Variants in CD247 observed in about 807,000 individuals in gnomAD.
CD247 encodes CD247 molecule.
CD247 carries 13 observed loss-of-function variants against 30.0 expected under a neutral mutation model. That is an observed-to-expected ratio of 0.43 (90% CI 0.28 to 0.69). The LOEUF is 0.69. Among genes scored for constraint, CD247 ranks in the 30% least tolerant of loss-of-function variants. CD247 has a pLI of 0.16. For missense variants in CD247, 193 were observed against 212.6 expected, an observed-to-expected ratio of 0.91 and a Z score of 0.57; for synonymous variants, 72 against 80.0, an observed-to-expected ratio of 0.90 and a Z score of 0.53.
intron 1 of CD247, among the ~76,000 whole-genome samples, chr1:167,513,603 T>C (rs1571606686): frequency 6.6e-6 from 1 of 152,218 alleles, no homozygotes; most frequent in Non-Finnish European, 1.5e-5. Context: ...GATACTGTGG[T>C]TTATACTATA....
rs1380657958 is a variant in CD247, at chr1:167,439,215, T to C, written c.219+129A>G. 4.9e-6 allele frequency: 4 copies of C among 810,790 alleles called. No homozygotes were observed. The East Asian group carries it at 7.4e-5, about 15-fold the overall frequency. The allele number at this position is 810,790 out of a possible 1,614,324, so 50.2% of individuals were successfully genotyped here. A position where few individuals can be genotyped will look rare whatever the true frequency, so the allele number is the denominator to read the frequency against. ...GGTTAGAAAACTGAGGTTAAACAAG[T>C]TGCAGCCGGGTCGCAGAGGTGATAG... On this transcript the variant is annotated intron_variant, in intron 3 of 7. Transcript: ENST00000362089.
intron 1 of CD247, among the ~76,000 whole-genome samples, chr1:167,480,920 A>T (rs1653947067): frequency 6.6e-6 from 1 of 152,256 alleles, no homozygotes. Flanking sequence ...AACAAGGCTG[A>T]CATATAGCAC....
chr1:167,469,847 A>G (rs1653426576), intron 1 of CD247, among the ~76,000 whole-genome samples: 2 of 150,718 alleles, frequency 1.3e-5, no homozygotes, highest in Admixed American at 1.3e-4. Flanking sequence ...CAGGCCTTGG[A>G]CCTCTTCTCT....
In CD247 at chr1:167,430,981, CTCA is replaced by C. The variant is rs769655919; in HGVS notation, c.*697_*699del. The C allele has an allele frequency of 5.0e-6, 2 of 401,658 alleles. No individual in the cohort carries two copies. The highest frequency in any genetic ancestry group is 8.8e-6 in the Non-Finnish European group (2 of 227,904). 24.9% of individuals were successfully genotyped at this position (401,658 alleles called of 1,614,324 possible). A position where few individuals can be genotyped will look rare whatever the true frequency, so the allele number is the denominator to read the frequency against. ...GTTTTTTATGCCACTTTGTGCACAG[CTCA>C]TCAAGGTCAGTCTGTTCATCTTCTG... On this transcript the variant is annotated 3_prime_UTR_variant, in exon 8 of 8. Transcript: ENST00000362089.
chr1:167,431,101 C>A lies in CD247; in HGVS notation c.*580G>T. Reference sequence around the variant, plus strand: ...GCCCTCGCAGGCCCTGGCTGACCCTCCCCTGCCCGCCCACCTTCCCATGCC... The same window carrying A: ...GCCCTCGCAGGCCCTGGCTGACCCTACCCTGCCCGCCCACCTTCCCATGCC... On this transcript the variant is annotated 3_prime_UTR_variant, in exon 8 of 8. Transcript: ENST00000362089. The A allele has an allele frequency of 2.4e-6, 1 of 424,008 alleles. No homozygotes were observed. Among genetic ancestry groups the A allele is most frequent in the Non-Finnish European group, 4.2e-6 (1 of 240,146 alleles). The allele number at this position is 424,008 out of a possible 1,614,324, so 26.3% of individuals were successfully genotyped here. A position where few individuals can be genotyped will look rare whatever the true frequency, so the allele number is the denominator to read the frequency against.
chr1:167,511,059 G>A (rs1409530367), intron 1 of CD247, among the ~76,000 whole-genome samples: 2 of 152,196 alleles, frequency 1.3e-5, no homozygotes, highest in African/African-American at 2.4e-5. Flanking sequence ...TACCTGCACC[G>A]AGCCTGCAGG....
intron 1 of CD247, among the ~76,000 whole-genome samples, chr1:167,499,929 T>C (rs1482843651): frequency 1.3e-5 from 2 of 152,182 alleles, no homozygotes; most frequent in Non-Finnish European, 2.9e-5. Flanking sequence ...ATAAAAGCAC[T>C]GGCAAAACTA....
At chr1:167,483,781 A>T (rs927533742) in intron 1 of CD247, among the ~76,000 whole-genome samples, 6 of 152,220 alleles carry the variant, frequency 3.9e-5, no homozygotes, top group African/African-American at 1.2e-4. Flanking sequence ...AAAGGATTTT[A>T]TATTTGCACA....
intron 1 of CD247, among the ~76,000 whole-genome samples, chr1:167,463,557 G>C (rs1373123604): frequency 1.3e-5 from 2 of 152,190 alleles, no homozygotes; most frequent in African/African-American, 4.8e-5. Flanking sequence ...ATCTAGGTTT[G>C]TAACTTGCAT....
intron 4 of CD247, 118 bp from the exon 5 acceptor site, chr1:167,435,552 C>T: frequency 1.2e-6 from 1 of 823,598 alleles, no homozygotes; most frequent in Non-Finnish European, 2.1e-6. Flanking sequence ...CCGTCTGCCT[C>T]TCTCCTCCCT....
intron 1 of CD247, among the ~76,000 whole-genome samples, chr1:167,443,530 G>A (rs1020258368): frequency 6.6e-6 from 1 of 152,180 alleles, no homozygotes; most frequent in African/African-American, 2.4e-5. Flanking sequence ...GACTGGTTGA[G>A]ACTCAGAAGA....
chr1:167,498,908 G>C (rs1654798865), intron 1 of CD247, among the ~76,000 whole-genome samples: 3 of 152,216 alleles, frequency 2.0e-5, no homozygotes, highest in African/African-American at 7.2e-5. Context: ...GTTTACGGCT[G>C]TCCTCCTTGG....
intron 1 of CD247, among the ~76,000 whole-genome samples, chr1:167,460,420 AT>A (rs897850494): frequency 3.3e-4 from 50 of 151,904 alleles, no homozygotes; most frequent in African/African-American, 1.1e-3. Flanking sequence ...AAAAATAAAA[AT>A]AAAGAAATAA....
At chr1:167,482,051 A>G (rs559122477) in intron 1 of CD247, among the ~76,000 whole-genome samples, 134 of 151,928 alleles carry the variant, frequency 8.8e-4, no homozygotes, top group African/African-American at 3.0e-3. Flanking sequence ...CTTTCTTTTT[A>G]CCCTCTGGAC....
In CD247 at chr1:167,450,256, G is replaced by A. The variant is rs564237226; in HGVS notation, c.59-9489C>T. ...CAGGCCTGTAATCCCAACACTTGGC[G>A]AGGCCAAGCTAGCAGGACTGCTTGA... On this transcript the variant is annotated intron_variant, in intron 1 of 7. Coordinates refer to ENST00000362089, the MANE Select transcript of CD247 (RefSeq NM_198053.3). Among the ~76,000 whole-genome samples, 151 of 152,286 alleles carry A rather than the reference G, an allele frequency of 9.9e-4. 1 individual carries two copies. Among genetic ancestry groups the A allele is most frequent in the Non-Finnish European group, 1.9e-3 (127 of 68,038 alleles).
At chr1:167,483,018 T>TC (rs1286731752) in intron 1 of CD247, among the ~76,000 whole-genome samples, 57 of 138,120 alleles carry the variant, frequency 4.1e-4, no homozygotes, top group Middle Eastern at 3.6e-3. Context: ...CTTTCTTTTT[T>TC]TTTTTTTGAG....
In CD247 at chr1:167,433,661, T is replaced by C. The variant is rs570388039; in HGVS notation, c.393+359A>G. The stretch of plus-strand genomic sequence containing the variant: ...TGAACAATTAATTGTTGATGAACAA[T>C]TCTTAATTGTTGATGAATTGTTTTC... On this transcript the variant is annotated intron_variant, in intron 6 of 7. Transcript: ENST00000362089. Among the ~76,000 whole-genome samples the C allele has an allele frequency of 3.3e-5, 5 of 152,110 alleles. No individual in the cohort carries two copies. The South Asian group carries it at 1.0e-3, about 31-fold the overall frequency.
At chr1:167,496,333 C>T (rs887133396) in intron 1 of CD247, among the ~76,000 whole-genome samples, 2 of 152,170 alleles carry the variant, frequency 1.3e-5, no homozygotes, top group Non-Finnish European at 2.9e-5. Flanking sequence ...AGAGGTTGGA[C>T]TAGATGATTT....
intron 1 of CD247, among the ~76,000 whole-genome samples, chr1:167,446,048 C>T (rs1403259026): frequency 6.6e-6 from 1 of 152,176 alleles, no homozygotes; most frequent in Non-Finnish European, 1.5e-5. Context: ...TCACCAAGGA[C>T]ACCTGCAGGT....
Sources: gnomAD v4.1 joint callset for allele counts (sites outside exome capture counted in the v4.1 genomes callset) on GRCh38, gnomAD v4.1.1 for gene constraint, MANE v1.5 for transcripts, NCBI Gene and HGNC (gene_info 2026-07-23, HGNC 2026-07-21) for gene names.